The following PRIM2 variants were observed in gnomAD, a reference collection of about 807,000 sequenced individuals.
PRIM2 encodes the protein DNA primase large subunit.
Under a neutral mutation model 67.3 loss-of-function variants are expected in PRIM2, and 39 were observed. That is an observed-to-expected ratio of 0.58 (90% CI 0.45 to 0.76). The LOEUF (loss-of-function observed/expected upper bound fraction) is 0.76. Ranked by LOEUF, PRIM2 falls within the 30% of genes least tolerant of loss-of-function variation. The probability of loss-of-function intolerance (pLI) is 0.00; values close to 1 mark genes in which losing one functional copy is unlikely to be tolerated. For synonymous variants in PRIM2, 143 were observed against 198.7 expected (o/e 0.72, Z 2.36); for missense variants, 398 against 598.7 (o/e 0.66, Z 3.50).
intron 7 of PRIM2, among the ~76,000 whole-genome samples, chr6:57,442,304 G>A (rs1772225745): frequency 6.6e-6 from 1 of 152,022 alleles, no homozygotes. Context: ...TAACATTGTA[G>A]CAGATGACTT....
chr6:57,300,956 C>G, the PRIM2 span, among the ~76,000 whole-genome samples: 2 of 152,294 alleles, frequency 1.3e-5, no homozygotes, highest in East Asian at 1.9e-4. Context: ...TAACTGATTT[C>G]AAACACATGA....
At chr6:57,464,266 T>A (rs1336613122) in intron 7 of PRIM2, among the ~76,000 whole-genome samples, 2 of 152,008 alleles carry the variant, frequency 1.3e-5, no homozygotes, top group African/African-American at 2.4e-5. Context: ...CTGTCTTTTG[T>A]ATTTCTTTTT....
the PRIM2 span, among the ~76,000 whole-genome samples, chr6:57,270,089 G>C: frequency 6.6e-6 from 1 of 151,912 alleles, no homozygotes; most frequent in South Asian, 2.1e-4. Context: ...TGTTCTTTTG[G>C]CTTAGGATTG....
At chr6:57,491,077 C>A (rs1554345924) in intron 7 of PRIM2, among the ~76,000 whole-genome samples, 7 of 152,154 alleles carry the variant, frequency 4.6e-5, no homozygotes, top group Admixed American at 3.3e-4. Context: ...AAAGACTTCA[C>A]ATTCAAAGGG....
intron 7 of PRIM2, among the ~76,000 whole-genome samples, chr6:57,415,494 A>G (rs1771231153): frequency 6.6e-6 from 1 of 152,196 alleles, no homozygotes; most frequent in African/African-American, 2.4e-5. Context: ...GCTAATGATC[A>G]TCTATCTGAG....
chr6:57,407,853 A>G (rs1770947804), intron 7 of PRIM2, among the ~76,000 whole-genome samples: 1 of 152,210 alleles, frequency 6.6e-6, no homozygotes, highest in Non-Finnish European at 1.5e-5. Flanking sequence ...CATACTGTGT[A>G]CCAGACACAA....
intron 9 of PRIM2, among the ~76,000 whole-genome samples, chr6:57,533,162 C>T (rs1172161075): frequency 0.72 from 109,644 of 151,686 alleles, 40,276 homozygotes; most frequent in African/African-American, 0.86. Flanking sequence ...ATTCATCATC[C>T]AGTGTAGGCT....
intron 5 of PRIM2, among the ~76,000 whole-genome samples, chr6:57,373,072 T>G (rs1324575573): frequency 6.6e-6 from 1 of 152,178 alleles, no homozygotes; most frequent in African/African-American, 2.4e-5. Context: ...AATTTACTCT[T>G]CCACCAGCAG....
chr6:57,401,272 A>G (rs1286072404), intron 7 of PRIM2, among the ~76,000 whole-genome samples: 1 of 91,072 alleles, frequency 1.1e-5, no homozygotes, highest in East Asian at 3.2e-4. Flanking sequence ...TCAGTAGTCT[A>G]TTGAGAAGTC....
chr6:57,264,079 C>T, the PRIM2 span, among the ~76,000 whole-genome samples: 1 of 152,156 alleles, frequency 6.6e-6, no homozygotes, highest in African/African-American at 2.4e-5. Flanking sequence ...TATAGCTTGC[C>T]TTGGGTGGTT....
chr6:57,373,200 T>C lies in PRIM2; in HGVS notation c.460-6701T>C, dbSNP rs575489111. On this transcript the variant is annotated intron_variant, in intron 5 of 13. Transcript: ENST00000615550. ...CCTCATTGTGGTTTTGATTTGCATT[T>C]GTCTAATGATCACTGACATTGTTTT... is the stretch of plus-strand genomic sequence containing the variant. Among the ~76,000 whole-genome samples, 6 of 152,202 alleles carry C rather than the reference T, an allele frequency of 3.9e-5. No homozygotes were observed. In the South Asian group the frequency reaches 1.0e-3, roughly 26 times the overall value.
At chr6:57,425,314 T>G (rs1771586731) in intron 7 of PRIM2, among the ~76,000 whole-genome samples, 1 of 152,164 alleles carries the variant, frequency 6.6e-6, no homozygotes, top group African/African-American at 2.4e-5. Flanking sequence ...CTTGGCTCAC[T>G]GCAACCTCCA....
At chr6:57,607,223 A>G (rs1378637700) in intron 12 of PRIM2, among the ~76,000 whole-genome samples, 2 of 152,218 alleles carry the variant, frequency 1.3e-5, no homozygotes, top group African/African-American at 4.8e-5. Context: ...GTTACTCTAG[A>G]CAACTTTACG....
intron 5 of PRIM2, 67 bp downstream of exon 5, chr6:57,326,112 C>A: frequency 6.4e-7 from 1 of 1,565,192 alleles, no homozygotes; most frequent in Non-Finnish European, 8.7e-7. Flanking sequence ...GTCTTAAGTG[C>A]TGGTACTAAT....
At chr6:57,578,859 G>C (rs1477659179) in intron 10 of PRIM2, among the ~76,000 whole-genome samples, 1 of 151,194 alleles carries the variant, frequency 6.6e-6, no homozygotes, top group Non-Finnish European at 1.5e-5. Flanking sequence ...TGTATTTTTA[G>C]TAGAGACGGG....
chr6:57,515,975 C>T (rs1399502945), intron 8 of PRIM2, among the ~76,000 whole-genome samples: 15 of 151,606 alleles, frequency 9.9e-5, no homozygotes, highest in Admixed American at 2.0e-4. Flanking sequence ...CAGTTGAAGC[C>T]TGGTCTTTCC....
intron 7 of PRIM2, among the ~76,000 whole-genome samples, chr6:57,481,034 G>A (rs1389392387): frequency 1.3e-5 from 2 of 152,198 alleles, no homozygotes; most frequent in African/African-American, 4.8e-5. Context: ...AGTTGCAAAT[G>A]TAGTACAGAG....
chr6:57,511,465 T>C (rs1300013449), intron 8 of PRIM2, among the ~76,000 whole-genome samples: 1 of 151,950 alleles, frequency 6.6e-6, no homozygotes, highest in Non-Finnish European at 1.5e-5. Flanking sequence ...TTATAAAATT[T>C]GTATCATTTT....
chr6:57,570,639 C>G (rs1367803315), intron 10 of PRIM2, among the ~76,000 whole-genome samples: 2 of 152,084 alleles, frequency 1.3e-5, no homozygotes, highest in Admixed American at 6.6e-5. Flanking sequence ...GGATGTAAAG[C>G]AGCAATAATA....
Sources: allele counts gnomAD v4.1 joint callset (sites outside exome capture counted in the v4.1 genomes callset), GRCh38; gene constraint gnomAD v4.1.1; transcripts MANE v1.5; gene names NCBI Gene and HGNC (gene_info 2026-07-23, HGNC 2026-07-21).